CPSF7: variants seen among roughly 807,000 people sequenced by gnomAD.
CPSF7 encodes the protein cleavage and polyadenylation specific factor 7, also known as cleavage and polyadenylation specificity factor subunit 7.
CPSF7 carries 1 observed loss-of-function variant against 44.3 expected under a neutral mutation model. The observed-to-expected ratio is 0.02, with a 90% CI of 0.01 to 0.11. The LOEUF (loss-of-function observed/expected upper bound fraction) is 0.11. Among genes scored for constraint, CPSF7 ranks in the 10% least tolerant of loss-of-function variants. The pLI is 1.00. For missense variants in CPSF7, 443 were observed against 607.2 expected (o/e 0.73, Z 2.84); for synonymous variants, 202 against 222.0 (o/e 0.91, Z 0.80).
chr11:61,420,388 A>T, intron 4 of CPSF7, 82 bp downstream of exon 4: 1 of 1,324,738 alleles, frequency 7.5e-7, no homozygotes, highest in Non-Finnish European at 1.1e-6. Flanking sequence ...GGGAGTGATT[A>T]AAATCCAGGG....
intron 4 of CPSF7, 125 bp from the exon 5 acceptor site, chr11:61,420,219 T>C (rs1337946672): frequency 1.8e-5 from 14 of 762,028 alleles, no homozygotes; most frequent in Non-Finnish European, 2.8e-5. Flanking sequence ...TAAACACACA[T>C]ACAGCACTAA....
intron 1 of CPSF7, 143 bp from the exon 2 acceptor site, chr11:61,429,433 G>T: frequency 2.2e-6 from 1 of 463,802 alleles, no homozygotes; most frequent in Middle Eastern, 6.3e-4. Context: ...CCCCGCCCCC[G>T]GCCTCGCGCC....
At chr11:61,416,061 CTTA>C in intron 6 of CPSF7, 41 bp downstream of exon 6, 2 of 1,454,646 alleles carry the variant, frequency 1.4e-6, no homozygotes, top group Non-Finnish European at 9.2e-7. Context: ...GCTTAATACA[CTTA>C]TTTACCCTGG....
chr11:61,409,894 C>T (rs1162683550), intron 9 of CPSF7, among the ~76,000 whole-genome samples: 1 of 151,940 alleles, frequency 6.6e-6, no homozygotes, highest in African/African-American at 2.4e-5. Flanking sequence ...AGCTTGAACC[C>T]GGGAAGTGGG....
intron 7 of CPSF7, among the ~76,000 whole-genome samples, chr11:61,414,540 G>A (rs968157547): frequency 2.0e-5 from 3 of 152,156 alleles, no homozygotes; most frequent in Non-Finnish European, 4.4e-5. Flanking sequence ...CCTTCTCTGT[G>A]GATTCAAGTT....
chr11:61,423,803 C>T (rs1265056322), intron 2 of CPSF7, among the ~76,000 whole-genome samples: 1 of 152,142 alleles, frequency 6.6e-6, no homozygotes, highest in Non-Finnish European at 1.5e-5. Flanking sequence ...AAAAAATTTA[C>T]TCTTAGACCA....
In CPSF7 at chr11:61,421,030, A is replaced by G. The variant is rs759646749; in HGVS notation, c.273+360T>C. On this transcript the variant is annotated intron_variant, in intron 3 of 9. Coordinates refer to ENST00000439958, the MANE Select transcript of CPSF7 (RefSeq NM_001142565.3). ...TACCCCAAGTATACTAGAGTTATCA[A>G]GGTCTTTAATCCCCATCACCCACCA... 127 of 1,246,192 alleles carry G rather than the reference A, an allele frequency of 1.0e-4. 1 individual carries two copies. In the South Asian group the frequency reaches 1.6e-3, roughly 15 times the overall value. 77.2% of individuals were successfully genotyped at this position (1,246,192 alleles called of 1,614,324 possible). A position where few individuals can be genotyped will look rare whatever the true frequency, so the allele number is the denominator to read the frequency against.
At chr11:61,419,836 A>G (rs780338830) in intron 5 of CPSF7, 113 bp downstream of exon 5, 380 of 1,274,724 alleles carry the variant, frequency 3.0e-4, no homozygotes, top group Non-Finnish European at 4.0e-4. Context: ...ACCCTCCCCC[A>G]AACTCACCCA....
chr11:61,408,510 T>C (rs1378363604), intron 9 of CPSF7, among the ~76,000 whole-genome samples: 1 of 152,202 alleles, frequency 6.6e-6, no homozygotes, highest in African/African-American at 2.4e-5. Context: ...TGAAGTTACC[T>C]GGGTCACGCA....
At chr11:61,427,353 A>C (rs1165447362) in intron 2 of CPSF7, 1 of 152,118 alleles carries the variant, frequency 6.6e-6, no homozygotes, top group Non-Finnish European at 1.5e-5. Context: ...TATTGGACTT[A>C]TTTAAAACTA....
At chr11:61,419,824 T>G (rs931812963) in intron 5 of CPSF7, 125 bp downstream of exon 5, 2 of 1,201,936 alleles carry the variant, frequency 1.7e-6, no homozygotes, top group Non-Finnish European at 2.4e-6. Flanking sequence ...ACAACCACCA[T>G]CACCCTCCCC....
intron 2 of CPSF7, among the ~76,000 whole-genome samples, chr11:61,423,132 G>T (rs7930736): frequency 0.82 from 83,574 of 101,598 alleles, 34,775 homozygotes; most frequent in East Asian, 0.96. Flanking sequence ...AAAAAAAAAG[G>T]GTTCAGGATT....
At position 61,421,372 on chromosome 11, in the gene CPSF7, T is replaced by G; in HGVS notation, c.273+18A>C. On this transcript the variant is annotated intron_variant, in intron 3 of 9. Transcript: ENST00000439958. ...CCCTCCAGCCCACCCCTAAGCATTTTTGGTTACCCACACTCACCCAGGAGA... is the reference window on the plus strand; with the variant it reads ...CCCTCCAGCCCACCCCTAAGCATTTGTGGTTACCCACACTCACCCAGGAGA... 6.2e-7 allele frequency: 1 copy of G among 1,608,706 alleles called. No individual in the cohort carries two copies. Among genetic ancestry groups the G allele is most frequent in the Non-Finnish European group, 8.5e-7 (1 of 1,175,308 alleles).
rs546144800 is a variant in CPSF7 at position 61,424,751 on chromosome 11, C to A, written c.55-3143G>T. Reference sequence around the variant, plus strand: ...TACAGGCGTAAGCCACTGCACCCAGCCTTCTTTTTTTTTAAATCAAGGATT... The same window carrying A: ...TACAGGCGTAAGCCACTGCACCCAGACTTCTTTTTTTTTAAATCAAGGATT... On this transcript the variant is annotated intron_variant, in intron 2 of 9. Transcript: ENST00000439958. 6.6e-5 allele frequency among the ~76,000 whole-genome samples: 10 copies of A among 152,082 alleles called. 1 individual carries two copies. In the South Asian group the frequency reaches 2.1e-3, roughly 32 times the overall value.
intron 1 of CPSF7, 27 bp from the exon 2 acceptor site, chr11:61,429,317 T>C: frequency 7.2e-7 from 1 of 1,384,462 alleles, no homozygotes; most frequent in South Asian, 1.2e-5. Flanking sequence ...AATGCAAGAA[T>C]TAGAAGGCAC....
chr11:61,421,375 G>A lies in CPSF7; in HGVS notation c.273+15C>T, dbSNP rs764920287. 1.3e-5 allele frequency: 21 copies of A among 1,610,888 alleles called. No homozygotes were observed. The South Asian group carries it at 2.0e-4, about 15-fold the overall frequency. On this transcript the variant is annotated intron_variant, in intron 3 of 9. Coordinates refer to ENST00000439958, the MANE Select transcript of CPSF7 (RefSeq NM_001142565.3). ...TCCAGCCCACCCCTAAGCATTTTTG[G>A]TTACCCACACTCACCCAGGAGAAGC...
At chr11:61,405,545 C>A (rs1271837607) in intron 9 of CPSF7, among the ~76,000 whole-genome samples, 1 of 152,124 alleles carries the variant, frequency 6.6e-6, no homozygotes, top group African/African-American at 2.4e-5. Context: ...AAACAAAGTT[C>A]CTACTATACT....
At chr11:61,414,887 G>T (rs968630417) in intron 7 of CPSF7, among the ~76,000 whole-genome samples, 8 of 152,148 alleles carry the variant, frequency 5.3e-5, no homozygotes, top group Admixed American at 3.9e-4. Flanking sequence ...CTCTTTTTAG[G>T]ATAGGCTACC....
intron 9 of CPSF7, among the ~76,000 whole-genome samples, chr11:61,406,376 A>C (rs1369284451): frequency 6.6e-6 from 1 of 152,242 alleles, no homozygotes; most frequent in Non-Finnish European, 1.5e-5. Context: ...ATTCATTTCT[A>C]ACTAAAAGGT....
Sources: allele counts gnomAD v4.1 joint callset (sites outside exome capture counted in the v4.1 genomes callset), GRCh38; gene constraint gnomAD v4.1.1; transcripts MANE v1.5; gene names NCBI Gene and HGNC (gene_info 2026-07-23, HGNC 2026-07-21).